NREP: variants seen among roughly 807,000 people sequenced by gnomAD.
NREP encodes the protein neuronal regeneration related protein, also known as neuronal regeneration-related protein.
In NREP, 5 loss-of-function variants were observed where a neutral mutation model predicts 8.6. The observed-to-expected ratio is 0.58, with a 90% CI of 0.30 to 1.22. The LOEUF (loss-of-function observed/expected upper bound fraction) is 1.22, where lower values mean the gene tolerates loss of function less well. Ranked by LOEUF, NREP falls within the 50% of genes most tolerant of loss-of-function variation. The pLI is 0.07. For synonymous variants in NREP, 27 were observed against 28.0 expected, an observed-to-expected ratio of 0.96 and a Z score of 0.11; for missense variants, 86 against 82.5, an observed-to-expected ratio of 1.04 and a Z score of -0.17.
chr5:111,800,545 A>C (rs1751980784), intron 2 of NREP, among the ~76,000 whole-genome samples: 1 of 152,238 alleles, frequency 6.6e-6, no homozygotes, highest in Non-Finnish European at 1.5e-5. Context: ...ATGCCATTCC[A>C]GTCATTTCTT....
intron 2 of NREP, among the ~76,000 whole-genome samples, chr5:111,769,797 A>T (rs1451983503): frequency 6.6e-6 from 1 of 152,190 alleles, no homozygotes; most frequent in African/African-American, 2.4e-5. Context: ...GAGAGAACTC[A>T]CTTAATATCA....
At chr5:111,863,075 T>C (rs548314340) in intron 2 of NREP, among the ~76,000 whole-genome samples, 1 of 151,844 alleles carries the variant, frequency 6.6e-6, no homozygotes. Context: ...AAGGTAGAAA[T>C]AGATTCAAGA....
chr5:111,853,480 AG>A (rs1753356297), intron 2 of NREP, among the ~76,000 whole-genome samples: 1 of 74,602 alleles, frequency 1.3e-5, no homozygotes, highest in Non-Finnish European at 2.8e-5. Flanking sequence ...GAGCTTTGGG[AG>A]GGGGGAGGGT....
At chr5:111,942,871 GT>G (rs1755869033) in intron 2 of NREP, among the ~76,000 whole-genome samples, 1 of 152,024 alleles carries the variant, frequency 6.6e-6, no homozygotes, top group African/African-American at 2.4e-5. Context: ...CCATTTCTCA[GT>G]TTCCTTGACT....
At chr5:111,823,361 A>G (rs1192065147) in intron 2 of NREP, among the ~76,000 whole-genome samples, 1 of 152,136 alleles carries the variant, frequency 6.6e-6, no homozygotes, top group Non-Finnish European at 1.5e-5. Context: ...ACAGCACCAT[A>G]CATGTTTGCA....
intron 2 of NREP, among the ~76,000 whole-genome samples, chr5:111,838,461 A>C (rs1412743252): frequency 6.6e-6 from 1 of 152,146 alleles, no homozygotes; most frequent in Non-Finnish European, 1.5e-5. Context: ...GTATTTTGTA[A>C]ATATGGTTAA....
chr5:111,906,690 C>A (rs1754786902), intron 2 of NREP, among the ~76,000 whole-genome samples: 1 of 152,022 alleles, frequency 6.6e-6, no homozygotes, highest in Non-Finnish European at 1.5e-5. Flanking sequence ...CTTATTACAG[C>A]ATTTTGGATT....
chr5:111,937,659 T>A (rs1280060429), intron 2 of NREP, among the ~76,000 whole-genome samples: 1 of 152,054 alleles, frequency 6.6e-6, no homozygotes, highest in Non-Finnish European at 1.5e-5. Flanking sequence ...GACCCATCTA[T>A]TTTCCCCAAA....
At chr5:111,879,827 A>AAG (rs368305385) in intron 2 of NREP, among the ~76,000 whole-genome samples, 3 of 152,042 alleles carry the variant, frequency 2.0e-5, no homozygotes, top group Non-Finnish European at 4.4e-5. Flanking sequence ...GAGAGAAAGA[A>AAG]AGAGAGAGAG....
At chr5:111,852,280 AT>A (rs11432653) in intron 2 of NREP, among the ~76,000 whole-genome samples, 1 of 151,772 alleles carries the variant, frequency 6.6e-6, no homozygotes, top group Non-Finnish European at 1.5e-5. Context: ...TGTATAGTCT[AT>A]TTTTTTGTAT....
chr5:111,824,354 G>A (rs1325715138), intron 2 of NREP, among the ~76,000 whole-genome samples: 1 of 152,200 alleles, frequency 6.6e-6, no homozygotes, highest in African/African-American at 2.4e-5. Context: ...GGACGACAGA[G>A]CGAGACTCCG....
At chr5:111,775,891 TA>T (rs1751345141) in intron 2 of NREP, among the ~76,000 whole-genome samples, 1 of 152,176 alleles carries the variant, frequency 6.6e-6, no homozygotes. Context: ...GGGTGAAGGA[TA>T]TTAAAAGATA....
chr5:111,794,997 A>T (rs1165453230), intron 2 of NREP, among the ~76,000 whole-genome samples: 1 of 31,198 alleles, frequency 3.2e-5, no homozygotes, highest in African/African-American at 2.1e-4. Flanking sequence ...AGCTGCTCTA[A>T]AAAAAAAAAA....
At chr5:111,807,239 T>C (rs1752163844) in intron 2 of NREP, among the ~76,000 whole-genome samples, 1 of 152,188 alleles carries the variant, frequency 6.6e-6, no homozygotes, top group African/African-American at 2.4e-5. Flanking sequence ...CAGAAATTCT[T>C]TATTTCAAGC....
rs184164475 is a variant in NREP at position 111,746,364 on chromosome 5, A to G, written c.3+9406T>C. On this transcript the variant is annotated intron_variant, in intron 2 of 3. Transcript: ENST00000257435. ...GATTCTATTATCAAGAAGTAAAAAA[A>G]ATATGCAAGGCCAGGGCATTTCATG... Among the ~76,000 whole-genome samples, 392 of 152,276 alleles carry G rather than the reference A, an allele frequency of 2.6e-3. 2 individuals carry two copies. Among genetic ancestry groups the G allele is most frequent in the African/African-American group, 9.2e-3 (382 of 41,558 alleles).
At chr5:111,883,812 A>G (rs926973690) in intron 2 of NREP, among the ~76,000 whole-genome samples, 7 of 152,196 alleles carry the variant, frequency 4.6e-5, no homozygotes, top group Admixed American at 1.3e-4. Context: ...TCTCTGGGAC[A>G]CATTCAAAGC....
In NREP at chr5:111,870,558, T is replaced by C. The variant is rs535712962; in HGVS notation, c.135+104716A>G. 7.9e-5 allele frequency among the ~76,000 whole-genome samples: 12 copies of C among 152,326 alleles called. No individual in the cohort carries two copies. In the South Asian group the frequency reaches 2.3e-3, roughly 29 times the overall value. On this transcript the variant is annotated intron_variant, in intron 2 of 3. Transcript: ENST00000395634. The stretch of plus-strand genomic sequence containing the variant: ...TTAAAAGGTCTTCGGTATGTCTGGA[T>C]TGGTTAAAATATTACATAAATACAA...
At chr5:111,971,634 T>A (rs1756821569) in intron 2 of NREP, among the ~76,000 whole-genome samples, 1 of 152,204 alleles carries the variant, frequency 6.6e-6, no homozygotes, top group Non-Finnish European at 1.5e-5. Flanking sequence ...AAGAACAGCC[T>A]CTTCAGTAAA....
At chr5:111,749,511 C>A (rs1046124599) in intron 2 of NREP, among the ~76,000 whole-genome samples, 9 of 152,288 alleles carry the variant, frequency 5.9e-5, no homozygotes, top group Non-Finnish European at 1.0e-4. Context: ...TTGGTCACCA[C>A]ACTACTGACT....
Sources: gnomAD v4.1 joint callset for allele counts (sites outside exome capture counted in the v4.1 genomes callset) on GRCh38, gnomAD v4.1.1 for gene constraint, MANE v1.5 for transcripts, NCBI Gene and HGNC (gene_info 2026-07-23, HGNC 2026-07-21) for gene names.